The following TBCK variants were observed in gnomAD, a reference collection of about 807,000 sequenced individuals.
The protein encoded by TBCK is TBC1 domain containing kinase.
TBCK carries 99 observed loss-of-function variants against 113.4 expected under a neutral mutation model. The observed-to-expected ratio is 0.87, with a 90% CI of 0.74 to 1.03. TBCK has a LOEUF of 1.03. Among genes scored for constraint, TBCK ranks in the 50% least tolerant of loss-of-function variants. The probability of loss-of-function intolerance (pLI) is 0.00; values close to 1 mark genes in which losing one functional copy is unlikely to be tolerated. For synonymous variants in TBCK, 369 were observed against 370.8 expected (o/e 1.00, Z 0.05); for missense variants, 1,045 against 1,061.3 (o/e 0.98, Z 0.21).
chr4:106,216,315 G>A (rs1644899452), intron 19 of TBCK, among the ~76,000 whole-genome samples: 1 of 151,652 alleles, frequency 6.6e-6, no homozygotes, highest in Non-Finnish European at 1.5e-5. Context: ...AACAAGAAAA[G>A]CAAGAGCAAA....
At chr4:106,125,558 A>G (rs1745095520) in intron 23 of TBCK, among the ~76,000 whole-genome samples, 2 of 152,240 alleles carry the variant, frequency 1.3e-5, no homozygotes. Flanking sequence ...TTTTCAGCAA[A>G]ATGGATGGAA....
intron 25 of TBCK, among the ~76,000 whole-genome samples, chr4:106,073,222 C>G (rs1466687481): frequency 6.6e-6 from 1 of 152,180 alleles, no homozygotes. Context: ...TGGTTTCTCC[C>G]TATCTTTGTG....
At chr4:106,107,224 T>A (rs755000251) in intron 24 of TBCK, among the ~76,000 whole-genome samples, 2 of 152,094 alleles carry the variant, frequency 1.3e-5, no homozygotes. Context: ...ATTATACAGA[T>A]CACTGAAGCA....
At chr4:106,198,475 T>TGCA (rs1252745856) in intron 20 of TBCK, among the ~76,000 whole-genome samples, 1 of 152,144 alleles carries the variant, frequency 6.6e-6, no homozygotes, top group East Asian at 1.9e-4. Context: ...CGATGCACTT[T>TGCA]GCATTTTCTT....
chr4:106,117,849 A>C (rs1743728261), intron 23 of TBCK, among the ~76,000 whole-genome samples: 1 of 152,098 alleles, frequency 6.6e-6, no homozygotes, highest in African/African-American at 2.4e-5. Context: ...CTCTACTAAA[A>C]ATACAAAAAA....
At chr4:106,309,305 C>CTCTTT (rs1561004938) in intron 1 of TBCK, among the ~76,000 whole-genome samples, 1 of 103,164 alleles carries the variant, frequency 9.7e-6, no homozygotes, top group Non-Finnish European at 1.9e-5. Flanking sequence ...AGGCTCTTCT[C>CTCTTT]TTTTTTTTTT....
At chr4:106,289,411 T>C (rs1181838632) in intron 3 of TBCK, among the ~76,000 whole-genome samples, 2 of 152,138 alleles carry the variant, frequency 1.3e-5, no homozygotes, top group Non-Finnish European at 2.9e-5. Context: ...AAATCTACCA[T>C]TTAAACAAAG....
chr4:106,107,539 T>C (rs993431352), intron 24 of TBCK, among the ~76,000 whole-genome samples: 2 of 152,146 alleles, frequency 1.3e-5, no homozygotes, highest in African/African-American at 2.4e-5. Flanking sequence ...GATTGACTTT[T>C]GGGTAAAAAA....
intron 1 of TBCK, chr4:106,309,902 C>G (rs1375468446): frequency 1.3e-5 from 2 of 152,154 alleles, no homozygotes; most frequent in Admixed American, 6.5e-5. Flanking sequence ...ATGTGTATAG[C>G]ATGAGGCGTC....
intron 24 of TBCK, among the ~76,000 whole-genome samples, chr4:106,103,157 A>G (rs1387680435): frequency 3.3e-5 from 5 of 152,206 alleles, no homozygotes; most frequent in Admixed American, 3.3e-4. Flanking sequence ...GGATCTTTCT[A>G]TCATGTTTCC....
rs184318689 is a variant in TBCK, at chr4:106,091,017, C to T, written c.2571+4465G>A. ...TGTTTCCACATTTTCAGGTATTTAA[C>T]AGCAACACCCCACTCCTGGTACCAA... On this transcript the variant is annotated intron_variant, in intron 25 of 25. Coordinates refer to ENST00000394708, the MANE Select transcript of TBCK (RefSeq NM_001163435.3). 1.8e-3 allele frequency among the ~76,000 whole-genome samples: 268 copies of T among 152,328 alleles called. 2 individuals are homozygous for T. Among genetic ancestry groups the T allele is most frequent in the African/African-American group, 5.9e-3 (246 of 41,572 alleles).
chr4:106,183,152 C>T (rs1040030147), intron 22 of TBCK, among the ~76,000 whole-genome samples: 4 of 152,060 alleles, frequency 2.6e-5, no homozygotes, highest in African/African-American at 4.8e-5. Flanking sequence ...GACAGCTGCT[C>T]TCTTTCTACT....
At chr4:106,120,401 C>A (rs1744168822) in intron 23 of TBCK, among the ~76,000 whole-genome samples, 1 of 152,144 alleles carries the variant, frequency 6.6e-6, no homozygotes, top group Non-Finnish European at 1.5e-5. Flanking sequence ...GGGCGCCCAC[C>A]ATTGCCCAGG....
intron 19 of TBCK, among the ~76,000 whole-genome samples, chr4:106,222,545 G>C (rs1013323773): frequency 6.6e-6 from 1 of 152,088 alleles, no homozygotes; most frequent in African/African-American, 2.4e-5. Context: ...TGATGGGTGG[G>C]ATTTAAAACA....
chr4:106,056,032 T>C (rs755192860), intron 25 of TBCK, among the ~76,000 whole-genome samples: 12 of 151,208 alleles, frequency 7.9e-5, no homozygotes, highest in Non-Finnish European at 1.3e-4. Flanking sequence ...ATTACATAAG[T>C]GGGAGGATTC....
chr4:106,151,237 C>A (rs1748448778), intron 23 of TBCK, among the ~76,000 whole-genome samples: 1 of 152,018 alleles, frequency 6.6e-6, no homozygotes, highest in Non-Finnish European at 1.5e-5. Context: ...TTAAAATGTA[C>A]AATTACATTA....
chr4:106,250,359 T>G, intron 7 of TBCK, 59 bp downstream of exon 7: 1 of 1,143,394 alleles, frequency 8.7e-7, no homozygotes, highest in Non-Finnish European at 1.3e-6. Context: ...TCAATGTGCA[T>G]GATTACTAAT....
intron 24 of TBCK, among the ~76,000 whole-genome samples, chr4:106,112,515 G>T (rs1742984124): frequency 6.6e-6 from 1 of 152,116 alleles, no homozygotes; most frequent in Non-Finnish European, 1.5e-5. Context: ...CTAGCGCTCA[G>T]AGGGCTGAGA....
At chr4:106,238,510 C>A (rs1759724449) in intron 12 of TBCK, 1 of 151,986 alleles carries the variant, frequency 6.6e-6, no homozygotes, top group South Asian at 2.1e-4. Context: ...ACATAACAGA[C>A]CTTCAGAATG....
Sources: allele counts gnomAD v4.1 joint callset (sites outside exome capture counted in the v4.1 genomes callset), GRCh38; gene constraint gnomAD v4.1.1; transcripts MANE v1.5; gene names NCBI Gene and HGNC (gene_info 2026-07-23, HGNC 2026-07-21).